Variants in CEBPZ observed in about 807,000 individuals in gnomAD.
CEBPZ encodes CCAAT enhancer binding protein zeta, also known as CCAAT/enhancer-binding protein zeta.
CEBPZ carries 78 observed loss-of-function variants against 104.5 expected under a neutral mutation model. That is an observed-to-expected ratio of 0.75 (90% CI 0.62 to 0.90). The LOEUF (loss-of-function observed/expected upper bound fraction) is 0.90. Ranked by LOEUF, CEBPZ falls within the 40% of genes least tolerant of loss-of-function variation. The pLI is 0.00. For missense variants in CEBPZ, 1,439 were observed against 1,233.5 expected, an observed-to-expected ratio of 1.17 and a Z score of -2.50; for synonymous variants, 470 against 427.0, an observed-to-expected ratio of 1.10 and a Z score of -1.24.
chr2:37,211,397 C>A, intron 12 of CEBPZ: 1 of 248,874 alleles, frequency 4.0e-6, no homozygotes, highest in Admixed American at 5.2e-5. Context: ...GTTGGGCAGG[C>A]ATGTGCATGC....
intron 13 of CEBPZ, chr2:37,203,790 G>C (rs1677404336): frequency 6.6e-6 from 1 of 152,092 alleles, no homozygotes; most frequent in African/African-American, 2.4e-5. Context: ...CATATAAATG[G>C]GATCATATGA....
intron 5 of CEBPZ, among the ~76,000 whole-genome samples, chr2:37,217,969 A>G (rs1664671283): frequency 6.6e-6 from 1 of 151,026 alleles, no homozygotes; most frequent in South Asian, 2.1e-4. Context: ...TAGCATATTT[A>G]TGAAAAATAA....
chr2:37,209,414 CA>C (rs796536578), intron 13 of CEBPZ: 2 of 152,082 alleles, frequency 1.3e-5, no homozygotes, highest in South Asian at 4.2e-4. Context: ...CTATTGTTAC[CA>C]AAATAGCATG....
intron 10 of CEBPZ, among the ~76,000 whole-genome samples, chr2:37,213,188 T>C (rs1677782130): frequency 6.6e-6 from 1 of 152,178 alleles, no homozygotes; most frequent in South Asian, 2.1e-4. Flanking sequence ...GGATTAAAGA[T>C]AAAAAAGATC....
At chr2:37,229,576 G>A (rs954789459) in intron 1 of CEBPZ, among the ~76,000 whole-genome samples, 2 of 152,152 alleles carry the variant, frequency 1.3e-5, no homozygotes, top group African/African-American at 4.8e-5. Flanking sequence ...AAGGGGTGGC[G>A]GAAACGGCAC....
chr2:37,223,202 G>A lies in CEBPZ; in HGVS notation c.1849C>T (p.Pro617Ser). 1.2e-6 allele frequency: 2 copies of A among 1,613,862 alleles called. No homozygotes were observed. Among genetic ancestry groups the A allele is most frequent in the East Asian group, 2.2e-5 (1 of 44,874 alleles). Reference protein sequence around the residue: ...YLVSEILKAKPGLRSQLDDHP... With the variant: ...YLVSEILKAKSGLRSQLDDHP... ...TCATCTAGTTGGCTTCTTAAACCTG[G>A]TTTTGCTTTAAGGATCTCAGACACA... Residue 617 changes from proline to serine, a missense_variant, in exon 3 of 16, where the codon CCA (proline) becomes TCA (serine). Coordinates refer to ENST00000234170, the MANE Select transcript of CEBPZ (RefSeq NM_005760.3).
At position 37,217,059 on chromosome 2, in the gene CEBPZ, AT is replaced by A. The variant is rs1473880177; in HGVS notation, c.2155-23del. 3.1e-6 allele frequency: 5 copies of A among 1,594,926 alleles called. No homozygotes were observed. The Admixed American group carries it at 8.3e-5, about 27-fold the overall frequency. On this transcript the variant is annotated intron_variant, in intron 5 of 15. Coordinates refer to ENST00000234170, the MANE Select transcript of CEBPZ (RefSeq NM_005760.3). ...ATAACTAAAAAGAAAAATGTGAATA[AT>A]ATCAATATTTCTAAGGTCGACTCTT...
intron 2 of CEBPZ, among the ~76,000 whole-genome samples, chr2:37,224,648 A>G (rs1664843427): frequency 1.3e-5 from 2 of 152,206 alleles, no homozygotes; most frequent in Non-Finnish European, 2.9e-5. Flanking sequence ...TCACATCAAC[A>G]GAAACATCTG....
At chr2:37,222,855 T>C (rs1395476344) in intron 3 of CEBPZ, among the ~76,000 whole-genome samples, 1 of 152,202 alleles carries the variant, frequency 6.6e-6, no homozygotes, top group South Asian at 2.1e-4. Flanking sequence ...AATAACCCTA[T>C]GAGGTAGGTA....
chr2:37,223,477 C>T, intron 2 of CEBPZ, 76 bp from the exon 3 acceptor site: 1 of 1,235,708 alleles, frequency 8.1e-7, no homozygotes, highest in Non-Finnish European at 1.2e-6. Context: ...TTAGAAATAG[C>T]TACTAACCTC....
At chr2:37,205,841 G>T (rs1677519593) in intron 13 of CEBPZ, among the ~76,000 whole-genome samples, 1 of 152,080 alleles carries the variant, frequency 6.6e-6, no homozygotes, top group Non-Finnish European at 1.5e-5. Flanking sequence ...GCAGAATCTT[G>T]TAAGATAATA....
Position 37,228,520 on chromosome 2 carries a change from T to G in CEBPZ, c.673A>C (p.Asn225His), listed in dbSNP as rs1287938987. The G allele has an allele frequency of 1.2e-6, 2 of 1,614,132 alleles. No individual in the cohort carries two copies. The highest frequency in any genetic ancestry group is 3.3e-5 in the Admixed American group (2 of 60,010). ...HEINLFKSKTNSQKGASSTWM... is the reference protein window; with the variant it reads ...HEINLFKSKTHSQKGASSTWM... ...GTAGAAGAGGCTCCCTTTTGACTATTCGTCTTACTTTTGAATAAGTTGATT... is the reference window on the plus strand; with the variant it reads ...GTAGAAGAGGCTCCCTTTTGACTATGCGTCTTACTTTTGAATAAGTTGATT... Residue 225 changes from asparagine to histidine, a missense_variant, in exon 2 of 16, where the codon AAT (asparagine) becomes CAT (histidine). Asn to His is a moderately conservative substitution (Grantham distance 68). Transcript: ENST00000234170.
chr2:37,219,886 C>T (rs563124286), intron 5 of CEBPZ, among the ~76,000 whole-genome samples: 4 of 152,284 alleles, frequency 2.6e-5, no homozygotes, highest in African/African-American at 7.2e-5. Flanking sequence ...CCTTATTTTA[C>T]GTGCACACTT....
In CEBPZ at chr2:37,201,878, A is replaced by G. The variant is rs1677261994; in HGVS notation, c.3051T>C (p.Ala1017=). 1.9e-6 allele frequency: 3 copies of G among 1,613,616 alleles called. No individual in the cohort carries two copies. The African/African-American group carries it at 4.0e-5, about 22-fold the overall frequency. ...TGTTGTGTAGCCAGTCATCACGTTC[A>G]GCCTCCCATCTAAGCTGTTTGAGAC... ...NASLKQLRWE[A]ERDDWLHNRD... is the part of the protein sequence containing the mutation. Residue 1017 remains alanine, a synonymous_variant, in exon 16 of 16, where the codon GCT becomes GCC. Transcript: ENST00000234170.
chr2:37,212,472 TAA>T, intron 10 of CEBPZ, 80 bp from the exon 11 acceptor site: 3 of 1,195,098 alleles, frequency 2.5e-6, no homozygotes, highest in Non-Finnish European at 1.2e-6. Context: ...TCAATTATTC[TAA>T]GTCATGATTC....
chr2:37,222,480 C>T lies in CEBPZ; in HGVS notation c.1965G>A (p.Glu655=), dbSNP rs1171308926. The change falls in exon 4 of 16, where the codon GAG becomes GAA. Residue 655 remains glutamate (E), a synonymous_variant. Transcript: ENST00000234170. The stretch of plus-strand genomic sequence containing the variant: ...CCTCTGTCTCAAGTTTTTTCACTAT[C>T]TCTGTTTCTTTGTCTGCATCAGTGA... The part of the protein sequence containing the change: ...EKFTDADKET[E]IVKKLETEET... 31 of 1,610,960 alleles carry T rather than the reference C, an allele frequency of 1.9e-5. No homozygotes were observed. Among genetic ancestry groups the T allele is most frequent in the Non-Finnish European group, 2.5e-5 (29 of 1,179,118 alleles).
intron 13 of CEBPZ, chr2:37,203,615 T>C (rs990142352): frequency 3.9e-5 from 6 of 152,248 alleles, no homozygotes; most frequent in African/African-American, 1.4e-4. Flanking sequence ...TCAGCTGTTT[T>C]AAGTGTATTA....
intron 1 of CEBPZ, among the ~76,000 whole-genome samples, chr2:37,230,471 A>G (rs1290895299): frequency 6.6e-6 from 1 of 152,216 alleles, no homozygotes; most frequent in African/African-American, 2.4e-5. Context: ...ATGTGTATAT[A>G]TTACCTATTC....
At position 37,228,479 on chromosome 2, in the gene CEBPZ, A is replaced by G. The variant is rs1664946345; in HGVS notation, c.714T>C (p.Ile238=). 1.2e-6 allele frequency: 2 copies of G among 1,614,106 alleles called. No individual in the cohort carries two copies. Among genetic ancestry groups the G allele is most frequent in the Admixed American group, 1.7e-5 (1 of 60,004 alleles). The part of the protein sequence containing the change: ...KGASSTWMKA[I]VSSGTLGDRM... ...TGTCACCTAGTGTCCCCGATGACAC[A>G]ATTGCCTTCATCCAGGTAGAAGAGG... The change falls in exon 2 of 16, where the codon ATT becomes ATC. Residue 238 remains isoleucine (I), a synonymous_variant. Transcript: ENST00000234170.
Sources: allele counts gnomAD v4.1 joint callset (sites outside exome capture counted in the v4.1 genomes callset), GRCh38; gene constraint gnomAD v4.1.1; transcripts MANE v1.5; gene names NCBI Gene and HGNC (gene_info 2026-07-23, HGNC 2026-07-21).